The following COBL variants were observed in gnomAD, a reference collection of about 807,000 sequenced individuals.
COBL encodes the protein cordon-bleu WH2 repeat protein.
In COBL, 51 loss-of-function variants were observed where a neutral mutation model predicts 98.8. The observed-to-expected ratio is 0.52, with a 90% CI of 0.41 to 0.65. The LOEUF (loss-of-function observed/expected upper bound fraction) is 0.65. COBL is among the 30% of genes least tolerant of loss of function. The pLI is 0.00. For missense variants in COBL, 1,617 were observed against 1,617.5 expected (o/e 1.00, Z 0.01); for synonymous variants, 634 against 651.7 (o/e 0.97, Z 0.41).
chr7:51,104,410 G>A (rs1796071528), intron 6 of COBL, among the ~76,000 whole-genome samples: 1 of 152,166 alleles, frequency 6.6e-6, no homozygotes, highest in African/African-American at 2.4e-5. Context: ...TCACACCCTG[G>A]AGCCAGATTG....
At chr7:51,284,883 G>A (rs1424438873) in intron 1 of COBL, among the ~76,000 whole-genome samples, 1 of 150,176 alleles carries the variant, frequency 6.7e-6, no homozygotes, top group South Asian at 2.1e-4. Flanking sequence ...CACAAAGAAA[G>A]ACTGAATGTT....
At chr7:51,169,493 A>G (rs1251722493) in intron 5 of COBL, among the ~76,000 whole-genome samples, 2 of 152,230 alleles carry the variant, frequency 1.3e-5, no homozygotes, top group African/African-American at 4.8e-5. Flanking sequence ...GGTTTCCAAT[A>G]TACACAATGG....
At chr7:51,181,028 G>A (rs1788896539) in intron 5 of COBL, among the ~76,000 whole-genome samples, 1 of 152,166 alleles carries the variant, frequency 6.6e-6, no homozygotes, top group African/African-American at 2.4e-5. Flanking sequence ...TGACGTGACT[G>A]AGGTTTCATT....
intron 2 of COBL, among the ~76,000 whole-genome samples, chr7:51,208,706 G>A (rs1792079186): frequency 1.3e-5 from 2 of 152,198 alleles, no homozygotes; most frequent in South Asian, 2.1e-4. Context: ...TTTTCATTTT[G>A]TTCTGTACTA....
At chr7:51,225,870 T>C (rs1465292078) in intron 1 of COBL, among the ~76,000 whole-genome samples, 1 of 152,084 alleles carries the variant, frequency 6.6e-6, no homozygotes, top group African/African-American at 2.4e-5. Flanking sequence ...AAATCGCAGG[T>C]GTGAGGCCCA....
intron 7 of COBL, among the ~76,000 whole-genome samples, chr7:51,063,420 C>A (rs2128913497): frequency 6.6e-6 from 1 of 152,364 alleles, no homozygotes; most frequent in East Asian, 1.9e-4. Context: ...CAGGCGTGAG[C>A]CACTGTGCCC....
At chr7:51,247,246 A>G (rs558284676) in intron 1 of COBL, among the ~76,000 whole-genome samples, 1 of 152,052 alleles carries the variant, frequency 6.6e-6, no homozygotes, top group East Asian at 1.9e-4. Flanking sequence ...AACAAACACC[A>G]TGAGCTTGGA....
At chr7:51,203,380 T>C in intron 2 of COBL, among the ~76,000 whole-genome samples, 1 of 110,864 alleles carries the variant, frequency 9.0e-6, no homozygotes, top group African/African-American at 4.5e-5. Flanking sequence ...GAGAATGGCG[T>C]GAACCCGGGA....
At chr7:51,139,669 C>T (rs1273316127) in intron 5 of COBL, among the ~76,000 whole-genome samples, 1 of 152,192 alleles carries the variant, frequency 6.6e-6, no homozygotes, top group African/African-American at 2.4e-5. Flanking sequence ...TTTATGTTGT[C>T]CAGCGAATAC....
At chr7:51,044,960 T>A (rs796116428) in intron 7 of COBL, among the ~76,000 whole-genome samples, 11 of 152,252 alleles carry the variant, frequency 7.2e-5, no homozygotes, top group African/African-American at 2.4e-4. Context: ...AGGTAAAGAA[T>A]AGAACGAAAA....
chr7:51,118,879 C>T (rs914118610), intron 6 of COBL, among the ~76,000 whole-genome samples: 32 of 152,346 alleles, frequency 2.1e-4, no homozygotes, highest in African/African-American at 7.5e-4. Flanking sequence ...GAGGAATCCA[C>T]AGCCAGAGCA....
In COBL at chr7:51,185,614, G is replaced by A. The variant is rs538606951; in HGVS notation, c.686-1415C>T. Among the ~76,000 whole-genome samples the A allele has an allele frequency of 3.9e-5, 6 of 152,314 alleles. No homozygotes were observed. The South Asian group carries it at 1.2e-3, about 32-fold the overall frequency. ...ATATGACAAGAAGAAGGAAAGTGGAGGTGTTCCTGGAGGATAGAAAAATGA... is the reference window on the plus strand; with the variant it reads ...ATATGACAAGAAGAAGGAAAGTGGAAGTGTTCCTGGAGGATAGAAAAATGA... On this transcript the variant is annotated intron_variant, in intron 4 of 12. Coordinates refer to ENST00000265136, the MANE Select transcript of COBL (RefSeq NM_015198.5).
chr7:51,099,116 C>T (rs1367528840), intron 6 of COBL, among the ~76,000 whole-genome samples: 1 of 145,982 alleles, frequency 6.9e-6, no homozygotes, highest in Non-Finnish European at 1.5e-5. Context: ...AGAGAGAAAA[C>T]AAGTGTTGGT....
rs140371373 is a variant in COBL at position 51,190,887 on chromosome 7, G to T, written c.648C>A (p.Leu216=). 6.2e-7 allele frequency: 1 copy of T among 1,613,876 alleles called. No homozygotes were observed. Among genetic ancestry groups the T allele is most frequent in the Non-Finnish European group, 8.5e-7 (1 of 1,180,010 alleles). ...ELELSKSLNE[L]GIKELYAWDN... is the part of the protein sequence containing the mutation. ...CCCACGCGTAGAGCTCCTTTATCCC[G>T]AGCTCGTTCAGGGACTTGGACAGCT... The change falls in exon 4 of 13, where the codon CTC becomes CTA. Residue 216 remains leucine, a synonymous_variant. Coordinates refer to ENST00000265136, the MANE Select transcript of COBL (RefSeq NM_015198.5).
intron 5 of COBL, 72 bp downstream of exon 5, chr7:51,184,030 G>A (rs1789248473): frequency 1.4e-6 from 1 of 728,996 alleles, no homozygotes; most frequent in African/African-American, 1.8e-5. Flanking sequence ...TCCAGGACAG[G>A]TTGAATGCAT....
intron 6 of COBL, among the ~76,000 whole-genome samples, chr7:51,090,525 A>G (rs1794713196): frequency 6.6e-6 from 1 of 152,214 alleles, no homozygotes; most frequent in Non-Finnish European, 1.5e-5. Flanking sequence ...CTGAGGGACT[A>G]GTTTATGTCT....
intron 6 of COBL, among the ~76,000 whole-genome samples, chr7:51,108,794 G>A (rs932491071): frequency 1.3e-5 from 2 of 152,120 alleles, no homozygotes; most frequent in Admixed American, 1.3e-4. Flanking sequence ...TGGGGCGCTG[G>A]AGCCAGCCTT....
At chr7:51,051,770 G>A (rs1790259079) in intron 7 of COBL, among the ~76,000 whole-genome samples, 1 of 152,206 alleles carries the variant, frequency 6.6e-6, no homozygotes, top group Non-Finnish European at 1.5e-5. Flanking sequence ...AGAGACGGAC[G>A]CTTGCATTCC....
intron 1 of COBL, among the ~76,000 whole-genome samples, chr7:51,252,073 G>T (rs1796773060): frequency 6.6e-6 from 1 of 151,914 alleles, no homozygotes; most frequent in Non-Finnish European, 1.5e-5. Context: ...CTCTTTTACA[G>T]CTTTTTTTTT....
Sources: allele counts gnomAD v4.1 joint callset (sites outside exome capture counted in the v4.1 genomes callset), GRCh38; gene constraint gnomAD v4.1.1; transcripts MANE v1.5; gene names NCBI Gene and HGNC (gene_info 2026-07-23, HGNC 2026-07-21).